CNTNAP2: variants seen among roughly 807,000 people sequenced by gnomAD.
CNTNAP2 encodes the protein contactin associated protein 2.
CNTNAP2 carries 98 observed loss-of-function variants against 155.2 expected under a neutral mutation model. The ratio of observed to expected loss-of-function variants is 0.63; its 90% CI spans 0.54 to 0.75. CNTNAP2 has a LOEUF of 0.75. Ranked by LOEUF, CNTNAP2 falls within the 30% of genes least tolerant of loss-of-function variation. The pLI is 0.00. For synonymous variants in CNTNAP2, 651 were observed against 631.2 expected (o/e 1.03, Z -0.47); for missense variants, 1,727 against 1,688.1 (o/e 1.02, Z -0.40).
intron 1 of CNTNAP2, among the ~76,000 whole-genome samples, chr7:146,612,275 C>G (rs10487926): frequency 0.057 from 8,607 of 152,060 alleles, 381 homozygotes; most frequent in African/African-American, 0.12. Flanking sequence ...TCACATGGAC[C>G]TTTTTTCTTG....
intron 1 of CNTNAP2, among the ~76,000 whole-genome samples, chr7:146,210,206 T>C (rs1029291871): frequency 3.3e-5 from 5 of 152,116 alleles, no homozygotes; most frequent in Admixed American, 2.6e-4. Context: ...ATTTGCTCAT[T>C]CTGCAGCCTT....
intron 1 of CNTNAP2, among the ~76,000 whole-genome samples, chr7:146,518,459 A>G (rs1393569740): frequency 6.6e-6 from 1 of 151,926 alleles, no homozygotes; most frequent in Non-Finnish European, 1.5e-5. Context: ...CTAATTATTA[A>G]GTTTCATTCT....
At chr7:147,497,801 G>A (rs1037169585) in intron 11 of CNTNAP2, among the ~76,000 whole-genome samples, 1 of 152,178 alleles carries the variant, frequency 6.6e-6, no homozygotes, top group African/African-American at 2.4e-5. Flanking sequence ...GGGCAGGCCA[G>A]ACTGATTGTC....
intron 1 of CNTNAP2, among the ~76,000 whole-genome samples, chr7:146,685,143 T>G (rs144860678): frequency 1.3e-5 from 2 of 152,264 alleles, no homozygotes; most frequent in Admixed American, 6.5e-5. Context: ...CACATCTAGA[T>G]AGTGGAGGAG....
intron 15 of CNTNAP2, among the ~76,000 whole-genome samples, chr7:148,008,328 C>T (rs1802015630): frequency 6.6e-6 from 1 of 152,008 alleles, no homozygotes; most frequent in Non-Finnish European, 1.5e-5. Flanking sequence ...GTGGAGATCA[C>T]GCCACTACAC....
intron 9 of CNTNAP2, among the ~76,000 whole-genome samples, chr7:147,371,945 A>T (rs1199419892): frequency 6.6e-6 from 1 of 152,134 alleles, no homozygotes; most frequent in Admixed American, 6.6e-5. Context: ...TGATGTAAAC[A>T]CTGTCCCTAA....
intron 1 of CNTNAP2, among the ~76,000 whole-genome samples, chr7:146,506,157 G>A (rs1797381174): frequency 1.3e-5 from 2 of 152,168 alleles, no homozygotes; most frequent in South Asian, 4.2e-4. Flanking sequence ...GTTGTTGGTT[G>A]GCCATCCTGC....
intron 12 of CNTNAP2, among the ~76,000 whole-genome samples, chr7:147,604,791 G>A (rs375211326): frequency 4.7e-4 from 71 of 152,286 alleles, no homozygotes; most frequent in African/African-American, 1.6e-3. Context: ...ATGTTGTGGA[G>A]AGCAACACAG....
chr7:147,368,105 C>CACACACAT (rs1191070777), intron 9 of CNTNAP2, among the ~76,000 whole-genome samples: 1 of 119,150 alleles, frequency 8.4e-6, no homozygotes, highest in African/African-American at 3.3e-5. Flanking sequence ...GTCACACACA[C>CACACACAT]ACACACACAC....
chr7:146,249,620 C>A (rs1799724219), intron 1 of CNTNAP2, among the ~76,000 whole-genome samples: 2 of 152,112 alleles, frequency 1.3e-5, no homozygotes, highest in Non-Finnish European at 2.9e-5. Context: ...TTCTTTATTT[C>A]TAAGTTTGGT....
At chr7:146,682,892 T>G (rs1249340857) in intron 1 of CNTNAP2, among the ~76,000 whole-genome samples, 2 of 152,214 alleles carry the variant, frequency 1.3e-5, no homozygotes, top group African/African-American at 4.8e-5. Flanking sequence ...TGTTTCATCC[T>G]GGTAGTAATT....
chr7:148,385,736 G>GTTTTTT (rs398006728), intron 22 of CNTNAP2, among the ~76,000 whole-genome samples: 1 of 95,356 alleles, frequency 1.0e-5, no homozygotes, highest in Non-Finnish European at 2.0e-5. Flanking sequence ...AGTGTGACAG[G>GTTTTTT]TTTTTTTTTT....
chr7:147,159,566 T>C (rs918985230), intron 8 of CNTNAP2, among the ~76,000 whole-genome samples: 11 of 152,134 alleles, frequency 7.2e-5, no homozygotes, highest in Admixed American at 2.0e-4. Context: ...GCATCAGTCT[T>C]CATATTAATA....
chr7:147,916,482 C>T (rs1335407074), intron 14 of CNTNAP2, among the ~76,000 whole-genome samples: 3 of 151,144 alleles, frequency 2.0e-5, no homozygotes. Flanking sequence ...GCTGTGGGTA[C>T]TAGAAATAGA....
chr7:147,894,834 T>C (rs1021269472), intron 13 of CNTNAP2, among the ~76,000 whole-genome samples: 3 of 152,062 alleles, frequency 2.0e-5, no homozygotes, highest in African/African-American at 7.2e-5. Flanking sequence ...ATCACAGGTA[T>C]GCACCTCATT....
At chr7:147,396,214 G>C (rs13227291) in intron 10 of CNTNAP2, among the ~76,000 whole-genome samples, 25,564 of 148,498 alleles carry the variant, frequency 0.17, 2,781 homozygotes, top group Non-Finnish European at 0.24. Flanking sequence ...AAAACACACT[G>C]TGGTGTTATA....
At chr7:147,664,224 A>G (rs1795660543) in intron 13 of CNTNAP2, among the ~76,000 whole-genome samples, 1 of 152,232 alleles carries the variant, frequency 6.6e-6, no homozygotes, top group African/African-American at 2.4e-5. Context: ...TAGAACGTAT[A>G]GTCAAGACGG....
At chr7:147,962,170 CAATA>C (rs1375092928) in intron 14 of CNTNAP2, among the ~76,000 whole-genome samples, 1 of 152,198 alleles carries the variant, frequency 6.6e-6, no homozygotes, top group African/African-American at 2.4e-5. Context: ...AGTGGACACT[CAATA>C]AATTTTTGTT....
At chr7:146,336,690 C>T (rs1801282034) in intron 1 of CNTNAP2, among the ~76,000 whole-genome samples, 1 of 152,072 alleles carries the variant, frequency 6.6e-6, no homozygotes, top group African/African-American at 2.4e-5. Flanking sequence ...TAAAATACTC[C>T]TCAATAAGTG....
Sources: gnomAD v4.1 joint callset for allele counts (sites outside exome capture counted in the v4.1 genomes callset) on GRCh38, gnomAD v4.1.1 for gene constraint, MANE v1.5 for transcripts, NCBI Gene and HGNC (gene_info 2026-07-23, HGNC 2026-07-21) for gene names.